PPP2R3A: variants seen among roughly 807,000 people sequenced by gnomAD.
PPP2R3A encodes serine/threonine-protein phosphatase 2A regulatory subunit B'' subunit alpha.
In PPP2R3A, 80 loss-of-function variants were observed where a neutral mutation model predicts 106.9. That is an observed-to-expected ratio of 0.75 (90% CI 0.62 to 0.90). PPP2R3A has a LOEUF of 0.90. Ranked by LOEUF, PPP2R3A falls within the 40% of genes least tolerant of loss-of-function variation. The pLI, the probability that PPP2R3A is intolerant of heterozygous loss-of-function variation, is 0.00. For missense variants in PPP2R3A, 1,386 were observed against 1,350.4 expected (o/e 1.03, Z -0.41); for synonymous variants, 483 against 468.3 (o/e 1.03, Z -0.41).
intron 5 of PPP2R3A, among the ~76,000 whole-genome samples, chr3:136,060,482 C>T (rs1936038556): frequency 1.3e-5 from 2 of 152,254 alleles, no homozygotes; most frequent in Non-Finnish European, 2.9e-5. Flanking sequence ...GCACCATCCT[C>T]CTAGTGCTGT....
In PPP2R3A at chr3:136,001,204, AGAGG is replaced by A. The variant is rs1933610040; in HGVS notation, c.-294_-291del. On this transcript the variant is annotated 5_prime_UTR_variant, in exon 2 of 14. Coordinates refer to ENST00000264977, the MANE Select transcript of PPP2R3A (RefSeq NM_002718.5). Reference sequence around the variant, plus strand: ...GTTATAGAACTGTTGAAGAACTAAAAGAGGATATTCTTTCATCAAAATAATTCTG... The same window carrying A: ...GTTATAGAACTGTTGAAGAACTAAAAATATTCTTTCATCAAAATAATTCTG... 2.2e-6 allele frequency: 1 copy of A among 446,044 alleles called. No individual in the cohort carries two copies. The highest frequency in any genetic ancestry group is 3.9e-6 in the Non-Finnish European group (1 of 255,536). The allele number at this position is 446,044 out of a possible 1,614,324, so 27.6% of individuals were successfully genotyped here. A position where few individuals can be genotyped will look rare whatever the true frequency, so the allele number is the denominator to read the frequency against.
chr3:136,071,335 CA>C (rs1246156591), intron 6 of PPP2R3A, among the ~76,000 whole-genome samples: 2 of 152,252 alleles, frequency 1.3e-5, no homozygotes, highest in African/African-American at 4.8e-5. Context: ...TGCCGAGTTA[CA>C]AAATACTACT....
At chr3:136,093,533 A>T (rs1937146621) in intron 10 of PPP2R3A, among the ~76,000 whole-genome samples, 1 of 152,224 alleles carries the variant, frequency 6.6e-6, no homozygotes, top group Non-Finnish European at 1.5e-5. Flanking sequence ...TGTATCTAGA[A>T]CATATAAACA....
intron 2 of PPP2R3A, among the ~76,000 whole-genome samples, chr3:136,014,593 G>A (rs1223060968): frequency 3.9e-5 from 6 of 152,032 alleles, no homozygotes; most frequent in Non-Finnish European, 7.4e-5. Context: ...TACAGTTATT[G>A]TAAAAGGGGT....
chr3:136,089,604 GT>G (rs542806670), intron 9 of PPP2R3A, among the ~76,000 whole-genome samples: 13,482 of 139,442 alleles, frequency 0.097, 765 homozygotes, highest in African/African-American at 0.18. Context: ...GAATGGTGTT[GT>G]TTTTTTTTTT....
chr3:135,985,457 T>C (rs1022096964), intron 1 of PPP2R3A, among the ~76,000 whole-genome samples: 1 of 150,176 alleles, frequency 6.7e-6, no homozygotes, highest in Non-Finnish European at 1.5e-5. Context: ...ACACATACTC[T>C]TCCCTACCTA....
chr3:136,137,985 G>A (rs1384847718), intron 13 of PPP2R3A, among the ~76,000 whole-genome samples: 1 of 152,132 alleles, frequency 6.6e-6, no homozygotes, highest in Non-Finnish European at 1.5e-5. Context: ...CAGTGAGGTG[G>A]GAGAATGTAG....
At chr3:136,101,023 A>G (rs1424694748) in intron 10 of PPP2R3A, among the ~76,000 whole-genome samples, 1 of 152,182 alleles carries the variant, frequency 6.6e-6, no homozygotes, top group African/African-American at 2.4e-5. Flanking sequence ...TGAGGAAACA[A>G]AGAATGAGGA....
intron 1 of PPP2R3A, among the ~76,000 whole-genome samples, chr3:135,982,357 A>G (rs530498649): frequency 6.6e-6 from 1 of 152,306 alleles, no homozygotes; most frequent in Admixed American, 6.5e-5. Flanking sequence ...TCTGCAAAAT[A>G]CAGGGATTCC....
intron 5 of PPP2R3A, among the ~76,000 whole-genome samples, chr3:136,064,713 A>G (rs555951552): frequency 5.4e-4 from 82 of 152,228 alleles, no homozygotes; most frequent in Non-Finnish European, 7.9e-4. Context: ...ATATGGTATG[A>G]TTATGAACAG....
At chr3:135,999,346 A>G (rs548951358) in intron 1 of PPP2R3A, among the ~76,000 whole-genome samples, 2 of 152,254 alleles carry the variant, frequency 1.3e-5, no homozygotes, top group Admixed American at 6.5e-5. Flanking sequence ...CTTCAAAACC[A>G]TGGAGTCTAG....
In PPP2R3A at chr3:136,049,254, T is replaced by C. The variant is rs1283122241; in HGVS notation, c.2367-5T>C. ...AATCTTCCTAAGCAGTTGTTTCTTT[T>C]ATAGGTTGCTGAATAACCATCATGA... On this transcript the variant is annotated splice_polypyrimidine_tract_variant and splice_region_variant and intron_variant, in intron 4 of 13. Transcript: ENST00000264977. 2 of 1,602,660 alleles carry C rather than the reference T, an allele frequency of 1.2e-6. No individual in the cohort carries two copies. Among genetic ancestry groups the C allele is most frequent in the African/African-American group, 2.7e-5 (2 of 74,578 alleles).
chr3:135,967,982 A>G (rs768249467), intron 1 of PPP2R3A, among the ~76,000 whole-genome samples: 9 of 152,248 alleles, frequency 5.9e-5, no homozygotes, highest in Non-Finnish European at 1.2e-4. Flanking sequence ...ATGCTTACAG[A>G]CATCGCAAAT....
intron 3 of PPP2R3A, among the ~76,000 whole-genome samples, chr3:136,035,346 AG>A (rs771917180): frequency 6.6e-6 from 1 of 152,036 alleles, no homozygotes; most frequent in Non-Finnish European, 1.5e-5. Context: ...TGCTTTAAAG[AG>A]GTTCTGTTTT....
intron 6 of PPP2R3A, among the ~76,000 whole-genome samples, chr3:136,073,566 AATG>A (rs1936506748): frequency 6.6e-6 from 1 of 152,244 alleles, no homozygotes. Flanking sequence ...CTTGTGATAA[AATG>A]ATGATAATAT....
At position 136,001,383 on chromosome 3, in the gene PPP2R3A, A is replaced by G. The variant is rs150374040; in HGVS notation, c.-116A>G. 8 of 923,488 alleles carry G rather than the reference A, an allele frequency of 8.7e-6. No individual in the cohort carries two copies. In the East Asian group the frequency reaches 2.0e-4, roughly 23 times the overall value. The allele number at this position is 923,488 out of a possible 1,614,324, so 57.2% of individuals were successfully genotyped here. On this transcript the variant is annotated 5_prime_UTR_variant, in exon 2 of 14. Transcript: ENST00000264977. ...TCATGGGAAAAGCCATTATATTTGG[A>G]AGAAACCACTGAACATTGTTATTAA...
Position 135,997,700 on chromosome 3 carries a change from CA to C in PPP2R3A, c.-440-3357del, listed in dbSNP as rs571297172. On this transcript the variant is annotated intron_variant, in intron 1 of 13. Coordinates refer to ENST00000264977, the MANE Select transcript of PPP2R3A (RefSeq NM_002718.5). Reference sequence around the variant, plus strand: ...AACAAAAAGTCTGTTTTAGGATTAGCAACACAAGTCTCCCAGTACTTAAGCC... The same window carrying C: ...AACAAAAAGTCTGTTTTAGGATTAGCACACAAGTCTCCCAGTACTTAAGCC... 1.4e-4 allele frequency among the ~76,000 whole-genome samples: 21 copies of C among 152,320 alleles called. No homozygotes were observed. In the South Asian group the frequency reaches 4.3e-3, roughly 32 times the overall value.
At chr3:136,111,312 A>G (rs954100331) in intron 13 of PPP2R3A, among the ~76,000 whole-genome samples, 2 of 152,188 alleles carry the variant, frequency 1.3e-5, no homozygotes, top group Non-Finnish European at 2.9e-5. Flanking sequence ...TTTCTCCAAC[A>G]ATGGTTAAAG....
At chr3:136,082,482 A>T (rs1470432088) in intron 8 of PPP2R3A, 61 bp downstream of exon 8, 1 of 1,543,908 alleles carries the variant, frequency 6.5e-7, no homozygotes, top group Non-Finnish European at 8.9e-7. Flanking sequence ...AATTATCACT[A>T]CTCATTATGA....
Sources: allele counts gnomAD v4.1 joint callset (sites outside exome capture counted in the v4.1 genomes callset), GRCh38; gene constraint gnomAD v4.1.1; transcripts MANE v1.5; gene names NCBI Gene and HGNC (gene_info 2026-07-23, HGNC 2026-07-21).